Variants in ZNF469 observed in about 807,000 individuals in gnomAD.
ZNF469 encodes the protein zinc finger protein 469.
Under a neutral mutation model 1.0 loss-of-function variants are expected in ZNF469, and 1 was observed. The observed-to-expected ratio is 1.00, with a 90% CI of 0.35 to 4.73. The LOEUF (loss-of-function observed/expected upper bound fraction) is 4.73. Among genes scored for constraint, ZNF469 ranks in the 30% most tolerant of loss-of-function variants. ZNF469 has a pLI of 0.16. For synonymous variants in ZNF469, 2,703 were observed against 2,363.4 expected (o/e 1.14, Z -4.17); for missense variants, 6,100 against 5,356.3 (o/e 1.14, Z -4.33).
chr16:88,376,896 C>A, the ZNF469 span, among the ~76,000 whole-genome samples: 2 of 152,176 alleles, frequency 1.3e-5, no homozygotes, highest in Admixed American at 6.5e-5. Flanking sequence ...AGACGCCAGG[C>A]CTCCTCCCAG....
the ZNF469 span, among the ~76,000 whole-genome samples, chr16:88,219,197 G>C: frequency 6.0e-5 from 9 of 149,188 alleles, no homozygotes; most frequent in Admixed American, 6.0e-4. Flanking sequence ...TACTGCCCAA[G>C]GTAATTTACA....
the ZNF469 span, among the ~76,000 whole-genome samples, chr16:88,205,963 G>C: frequency 2.0e-5 from 3 of 152,138 alleles, no homozygotes; most frequent in South Asian, 6.2e-4. This position sits in a 1 kb window ranked among gnomAD's most constrained non-coding sequence, Gnocchi z 4.2. Flanking sequence ...GGAAGGGGGG[G>C]GCCCAGCCCA....
the ZNF469 span, among the ~76,000 whole-genome samples, chr16:88,318,517 G>C: frequency 6.6e-6 from 1 of 152,256 alleles, no homozygotes; most frequent in Non-Finnish European, 1.5e-5. Context: ...CAGCCCTTTA[G>C]CAAGTCAGGG....
chr16:88,121,426 G>C, the ZNF469 span, among the ~76,000 whole-genome samples: 4 of 152,178 alleles, frequency 2.6e-5, no homozygotes. Flanking sequence ...TTTCAGTATC[G>C]ATTCTGGCCA....
At chr16:88,243,404 C>A in the ZNF469 span, among the ~76,000 whole-genome samples, 1 of 152,096 alleles carries the variant, frequency 6.6e-6, no homozygotes. Context: ...TATACCCACC[C>A]CTTCTGGAAG....
chr16:88,406,393 C>T (rs932159106), intron 1 of ZNF469, among the ~76,000 whole-genome samples: 1 of 152,210 alleles, frequency 6.6e-6, no homozygotes, highest in African/African-American at 2.4e-5. Flanking sequence ...CCTGCAGTGC[C>T]CCCCACGCTG....
At chr16:88,107,339 A>T in the ZNF469 span, among the ~76,000 whole-genome samples, 1 of 152,248 alleles carries the variant, frequency 6.6e-6, no homozygotes, top group African/African-American at 2.4e-5. Flanking sequence ...GGCGAAGAAG[A>T]AGCAAGAACC....
chr16:88,346,679 G>A, the ZNF469 span, among the ~76,000 whole-genome samples: 3 of 152,028 alleles, frequency 2.0e-5, no homozygotes, highest in African/African-American at 4.8e-5. Context: ...CACCACACCT[G>A]GCTAATTTTT....
At chr16:88,201,909 G>T in the ZNF469 span, among the ~76,000 whole-genome samples, 1 of 152,210 alleles carries the variant, frequency 6.6e-6, no homozygotes, top group African/African-American at 2.4e-5. The surrounding 1 kb of genome is among the most constrained non-coding windows in gnomAD (Gnocchi z 5.0). Flanking sequence ...GGTGGTGGGG[G>T]CCGTGGTGTC....
chr16:88,408,645 G>T (rs1174841355), intron 1 of ZNF469, among the ~76,000 whole-genome samples: 1 of 152,188 alleles, frequency 6.6e-6, no homozygotes, highest in East Asian at 1.9e-4. Flanking sequence ...GGCTGAATTG[G>T]TGTCTCCCCG....
At chr16:88,324,772 A>G in the ZNF469 span, among the ~76,000 whole-genome samples, 1 of 152,208 alleles carries the variant, frequency 6.6e-6, no homozygotes, top group Non-Finnish European at 1.5e-5. Context: ...GTAAACTGTC[A>G]TGGTGCCGGT....
chr16:88,126,184 A>G, the ZNF469 span, among the ~76,000 whole-genome samples: 1 of 106,066 alleles, frequency 9.4e-6, no homozygotes, highest in African/African-American at 4.3e-5. Context: ...GTGAGACTCC[A>G]TCCCAAAAAA....
the ZNF469 span, among the ~76,000 whole-genome samples, chr16:88,335,136 C>T: frequency 3.9e-5 from 6 of 152,160 alleles, no homozygotes; most frequent in Middle Eastern, 3.2e-3. Flanking sequence ...TCGCAGTCTC[C>T]GGGGCTGTGA....
chr16:88,138,048 G>A, the ZNF469 span, among the ~76,000 whole-genome samples: 2 of 152,166 alleles, frequency 1.3e-5, no homozygotes, highest in Non-Finnish European at 2.9e-5. Context: ...GTCCAAGGGA[G>A]TGCCCATCTC....
chr16:88,114,202 A>C, the ZNF469 span, among the ~76,000 whole-genome samples: 81 of 140,338 alleles, frequency 5.8e-4, 9 homozygotes, highest in Admixed American at 8.6e-4. Flanking sequence ...GACCATACTC[A>C]CTCACTGCGG....
the ZNF469 span, among the ~76,000 whole-genome samples, chr16:88,328,086 C>T: frequency 1.5e-3 from 223 of 152,276 alleles, no homozygotes; most frequent in African/African-American, 4.8e-3. Context: ...ATGGGAGCCA[C>T]GGTCCTAAAG....
At chr16:88,134,075 G>A in the ZNF469 span, among the ~76,000 whole-genome samples, 22 of 149,672 alleles carry the variant, frequency 1.5e-4, no homozygotes, top group African/African-American at 5.2e-4. Context: ...TCCAGCCTGG[G>A]CAACAGAGCG....
At chr16:88,401,678 C>G (rs1272778167) in intron 1 of ZNF469, among the ~76,000 whole-genome samples, 156 of 105,682 alleles carry the variant, frequency 1.5e-3, no homozygotes, top group African/African-American at 2.3e-3. Context: ...TGGGTGAGTG[C>G]ATGGATGGAT....
intron 1 of ZNF469, among the ~76,000 whole-genome samples, chr16:88,420,538 C>A (rs1255291390): frequency 1.3e-5 from 2 of 152,234 alleles, no homozygotes; most frequent in Admixed American, 1.3e-4. Flanking sequence ...GCAGGGCTCC[C>A]AGGCCTGGTC....
Sources: allele counts gnomAD v4.1 joint callset (sites outside exome capture counted in the v4.1 genomes callset), GRCh38; gene constraint gnomAD v4.1.1; non-coding constraint Gnocchi (gnomAD v3.1); transcripts MANE v1.5; gene names NCBI Gene and HGNC (gene_info 2026-07-23, HGNC 2026-07-21).